Variants in RUNX1 observed in about 807,000 individuals in gnomAD.
RUNX1 encodes runt-related transcription factor 1.
In RUNX1, 19 loss-of-function variants were observed where a neutral mutation model predicts 42.8. The observed-to-expected ratio is 0.44, with a 90% CI of 0.31 to 0.65. The LOEUF (loss-of-function observed/expected upper bound fraction) is 0.65, where lower values mean the gene tolerates loss of function less well. Ranked by LOEUF, RUNX1 falls within the 30% of genes least tolerant of loss-of-function variation. The pLI is 0.07. For synonymous variants in RUNX1, 271 were observed against 289.4 expected (o/e 0.94, Z 0.64); for missense variants, 528 against 672.0 (o/e 0.79, Z 2.37).
At chr21:34,889,916 C>A in intron 3 of RUNX1, 1 of 974,608 alleles carries the variant, frequency 1.0e-6, no homozygotes, top group Non-Finnish European at 1.3e-6. Context: ...GCAACCCAGT[C>A]CCCGGATCCC....
chr21:34,842,021 A>G (rs1164848095), intron 6 of RUNX1, among the ~76,000 whole-genome samples: 1 of 144,108 alleles, frequency 6.9e-6, no homozygotes, highest in Admixed American at 6.9e-5. Flanking sequence ...TGAATGAATG[A>G]GTACTCAGGT....
At chr21:34,846,114 AAG>A (rs2057310904) in intron 6 of RUNX1, among the ~76,000 whole-genome samples, 3 of 151,394 alleles carry the variant, frequency 2.0e-5, no homozygotes, top group Admixed American at 2.0e-4. Flanking sequence ...AATTAACACC[AAG>A]GTCTCTGACC....
intron 4 of RUNX1, among the ~76,000 whole-genome samples, chr21:34,885,551 C>T (rs1211313734): frequency 1.3e-5 from 2 of 152,210 alleles, no homozygotes; most frequent in Admixed American, 6.5e-5. Context: ...TCTATAGACA[C>T]AGCCAACTGC....
intron 7 of RUNX1, among the ~76,000 whole-genome samples, chr21:34,814,115 A>T (rs778412530): frequency 2.0e-5 from 3 of 152,234 alleles, no homozygotes; most frequent in Non-Finnish European, 4.4e-5. Flanking sequence ...TTGCCTGCTT[A>T]TAGCTCTGTG....
chr21:34,859,629 A>C (rs750990394), intron 5 of RUNX1, 51 bp from the exon 6 acceptor site: 3 of 1,349,676 alleles, frequency 2.2e-6, no homozygotes, highest in Non-Finnish European at 3.2e-6. Context: ...TGGCCTGAAC[A>C]TATCTGTTGA....
At chr21:34,820,964 C>T (rs1190610772) in intron 7 of RUNX1, among the ~76,000 whole-genome samples, 1 of 152,152 alleles carries the variant, frequency 6.6e-6, no homozygotes, top group Admixed American at 6.5e-5. Flanking sequence ...CCCTGGGCCT[C>T]GAGTGTCTCA....
At chr21:35,017,881 C>T (rs2059170870) in intron 2 of RUNX1, among the ~76,000 whole-genome samples, 1 of 152,166 alleles carries the variant, frequency 6.6e-6, no homozygotes, top group African/African-American at 2.4e-5. Flanking sequence ...AACGGTGGAA[C>T]TGTCCACTTG....
chr21:34,963,091 T>C (rs2146712830), intron 2 of RUNX1, among the ~76,000 whole-genome samples: 1 of 152,300 alleles, frequency 6.6e-6, no homozygotes, highest in African/African-American at 2.4e-5. Flanking sequence ...ACTGCAGTCC[T>C]CCTGGGACAG....
At position 35,038,916 on chromosome 21, in the gene RUNX1, A is replaced by G. The variant is rs867681823; in HGVS notation, c.58+9926T>C. The G allele has an allele frequency of 4.9e-5, 17 of 347,630 alleles. No individual in the cohort carries two copies. In the Middle Eastern group the frequency reaches 1.3e-3, roughly 26 times the overall value. The allele number at this position is 347,630 out of a possible 1,614,324, so 21.5% of individuals were successfully genotyped here. A position where few individuals can be genotyped will look rare whatever the true frequency, so the allele number is the denominator to read the frequency against. ...TTGCCCTAGACCCTCATCAAAACCAACCTGGTTAATTGTAACATTGCCTAA... is the reference window on the plus strand; with the variant it reads ...TTGCCCTAGACCCTCATCAAAACCAGCCTGGTTAATTGTAACATTGCCTAA... On this transcript the variant is annotated intron_variant, in intron 2 of 8. Transcript: ENST00000675419.
At chr21:34,834,267 G>T in intron 7 of RUNX1, 143 bp downstream of exon 7, 1 of 834,416 alleles carries the variant, frequency 1.2e-6, no homozygotes, top group Non-Finnish European at 2.0e-6. Context: ...CAGCTCCCAG[G>T]TGGTGCTGTT....
chr21:34,847,362 T>G (rs2057331270), intron 6 of RUNX1, among the ~76,000 whole-genome samples: 1 of 152,226 alleles, frequency 6.6e-6, no homozygotes, highest in Non-Finnish European at 1.5e-5. Flanking sequence ...AAATTTTTTC[T>G]CTTTAATTTC....
At position 34,882,709 on chromosome 21, in the gene RUNX1, T is replaced by C. The variant is rs574913341; in HGVS notation, c.352-1996A>G. ...GCTACTGTTTTTTTTTTTTTTCTAT[T>C]CCCGAAAAATGGGCTTGCTTTATTT... On this transcript the variant is annotated intron_variant, in intron 4 of 8. Coordinates refer to ENST00000675419, the MANE Select transcript of RUNX1 (RefSeq NM_001754.5). Among the ~76,000 whole-genome samples the C allele has an allele frequency of 2.6e-5, 4 of 151,682 alleles. No individual in the cohort carries two copies. The East Asian group carries it at 7.7e-4, about 29-fold the overall frequency.
intron 7 of RUNX1, among the ~76,000 whole-genome samples, chr21:34,829,102 G>C (rs1054987774): frequency 6.6e-6 from 1 of 152,164 alleles, no homozygotes; most frequent in African/African-American, 2.4e-5. Context: ...CTTGCCAAAA[G>C]TCCTATAGTG....
chr21:35,003,519 CTTTTT>C, intron 2 of RUNX1, among the ~76,000 whole-genome samples: 1 of 141,730 alleles, frequency 7.1e-6, no homozygotes, highest in Non-Finnish European at 1.5e-5. Flanking sequence ...GAAAAGCTGT[CTTTTT>C]TTTTTTAAAA....
chr21:34,994,868 T>TTC lies in RUNX1; in HGVS notation c.58+53972_58+53973dup, dbSNP rs528943349. ...TTCCAGCCTAATACTGACTGGGCAC[T>TTC]TCTGTTCCCGTACACCCTCAGAGAC... is the stretch of plus-strand genomic sequence containing the variant. On this transcript the variant is annotated intron_variant, in intron 2 of 8. Coordinates refer to ENST00000675419, the MANE Select transcript of RUNX1 (RefSeq NM_001754.5). Among the ~76,000 whole-genome samples the TTC allele has an allele frequency of 2.2e-3, 329 of 152,316 alleles. 2 individuals carry two copies. Among genetic ancestry groups the TTC allele is most frequent in the African/African-American group, 7.5e-3 (311 of 41,566 alleles).
intron 6 of RUNX1, among the ~76,000 whole-genome samples, chr21:34,840,274 T>C (rs1232836334): frequency 6.6e-6 from 1 of 152,102 alleles, no homozygotes; most frequent in East Asian, 1.9e-4. Flanking sequence ...CAGGACCGGG[T>C]GTTAATGCAG....
intron 2 of RUNX1, among the ~76,000 whole-genome samples, chr21:35,037,800 T>A (rs1217081305): frequency 1.3e-5 from 2 of 152,250 alleles, no homozygotes; most frequent in Non-Finnish European, 2.9e-5. Context: ...GCCTTGCGCA[T>A]AGCATATGCT....
chr21:34,794,623 T>A (rs2056499568), intron 8 of RUNX1, among the ~76,000 whole-genome samples: 1 of 152,260 alleles, frequency 6.6e-6, no homozygotes, highest in Non-Finnish European at 1.5e-5. Flanking sequence ...CAACTGGCTT[T>A]AGGGCTGTCC....
At chr21:34,832,272 G>A (rs1008686530) in intron 7 of RUNX1, among the ~76,000 whole-genome samples, 2 of 152,132 alleles carry the variant, frequency 1.3e-5, no homozygotes, top group Non-Finnish European at 2.9e-5. Flanking sequence ...CAGAGGATGA[G>A]AACTCAATGT....
Sources: allele counts gnomAD v4.1 joint callset (sites outside exome capture counted in the v4.1 genomes callset), GRCh38; gene constraint gnomAD v4.1.1; transcripts MANE v1.5; gene names NCBI Gene and HGNC (gene_info 2026-07-23, HGNC 2026-07-21).